TSHZ3: variants seen among roughly 807,000 people sequenced by gnomAD.
The protein encoded by TSHZ3 is teashirt zinc finger homeobox 3, also known as teashirt homolog 3.
In TSHZ3, 10 loss-of-function variants were observed where a neutral mutation model predicts 64.5. That is an observed-to-expected ratio of 0.16 (90% CI 0.10 to 0.26). The LOEUF (loss-of-function observed/expected upper bound fraction) is 0.26. Ranked by LOEUF, TSHZ3 falls within the 10% of genes least tolerant of loss-of-function variation. TSHZ3 has a pLI of 1.00. For missense variants in TSHZ3, 1,242 were observed against 1,421.7 expected (o/e 0.87, Z 2.03); for synonymous variants, 608 against 593.1 (o/e 1.03, Z -0.36).
At chr19:31,183,568 G>A (rs1974757514) in intron 5 of TSHZ3, among the ~76,000 whole-genome samples, 1 of 152,150 alleles carries the variant, frequency 6.6e-6, no homozygotes, top group African/African-American at 2.4e-5. Context: ...AAATTGGAAG[G>A]CCACAGAAAG....
chr19:31,349,075 G>A (rs561123157), intron 1 of TSHZ3, 105 bp downstream of exon 1: 5 of 1,413,170 alleles, frequency 3.5e-6, no homozygotes, highest in South Asian at 1.3e-5. Context: ...GTTACTCAGT[G>A]CGGGCAGAAG....
intron 3 of TSHZ3, among the ~76,000 whole-genome samples, chr19:31,233,796 C>T (rs1975571664): frequency 1.3e-5 from 2 of 152,052 alleles, no homozygotes; most frequent in Non-Finnish European, 2.9e-5. Flanking sequence ...TTTTTTTCTA[C>T]ACAGACACCT....
chr19:31,287,765 G>T (rs1976489105), intron 1 of TSHZ3, among the ~76,000 whole-genome samples: 2 of 152,128 alleles, frequency 1.3e-5, no homozygotes, highest in African/African-American at 4.8e-5. Flanking sequence ...GACAAAGAGG[G>T]CCTGGAGCCT....
At chr19:31,194,638 G>A (rs960781443) in intron 5 of TSHZ3, among the ~76,000 whole-genome samples, 3 of 152,224 alleles carry the variant, frequency 2.0e-5, no homozygotes, top group Admixed American at 1.3e-4. Flanking sequence ...CCTATTTACA[G>A]CATTTCTTTT....
At chr19:31,340,313 A>G (rs1370464022) in intron 1 of TSHZ3, among the ~76,000 whole-genome samples, 1 of 128,184 alleles carries the variant, frequency 7.8e-6, no homozygotes. Flanking sequence ...ATGGAGGAAC[A>G]TTAATTAGCA....
chr19:31,259,411 T>C lies in TSHZ3; in HGVS notation n.64-16536A>G, dbSNP rs138919757. Among the ~76,000 whole-genome samples, 85 of 152,324 alleles carry C rather than the reference T, an allele frequency of 5.6e-4. 5 individuals carry two copies. Among genetic ancestry groups the C allele is most frequent in the African/African-American group, 1.9e-3 (81 of 41,576 alleles). ...CTGCTGAAAGGTTACTCTCAACTTATGTTACCCCATAACAGTCTTCAGCCC... is the reference window on the plus strand; with the variant it reads ...CTGCTGAAAGGTTACTCTCAACTTACGTTACCCCATAACAGTCTTCAGCCC... On this transcript the variant is annotated intron_variant and non_coding_transcript_variant, in intron 1 of 6. Transcript: ENST00000651361.
chr19:31,324,284 G>A (rs921112932), intron 1 of TSHZ3, among the ~76,000 whole-genome samples: 9 of 152,110 alleles, frequency 5.9e-5, no homozygotes, highest in Non-Finnish European at 1.0e-4. Flanking sequence ...CATTTTTAAC[G>A]TTTACAATTT....
chr19:31,349,755 C>G (rs1459568935), upstream of TSHZ3, among the ~76,000 whole-genome samples: 1 of 147,924 alleles, frequency 6.8e-6, no homozygotes, highest in Non-Finnish European at 1.5e-5. Flanking sequence ...GTCACGGCAT[C>G]CGGGGGGACG....
rs367983553 is a variant in TSHZ3 at position 31,278,240 on chromosome 19, C to G, written c.1553G>C (p.Gly518Ala). ...TENDLEESPK[G>A]GLDILKSLEN... ...CAAGGATTTGAGGATATCAAGCCCC[C>G]CCTTGGGACTCTCTTCTAAGTCATT... Residue 518 changes from glycine to alanine, a missense_variant, in exon 2 of 2, where the codon GGG becomes GCG. By Grantham distance (60) the Gly-to-Ala change is moderately conservative. Transcript: ENST00000240587. This position sits in a 1 kb window ranked among gnomAD's most constrained non-coding sequence, Gnocchi z 4.7. The G allele has an allele frequency of 2.7e-5, 44 of 1,614,144 alleles. No homozygotes were observed. Among genetic ancestry groups the G allele is most frequent in the Admixed American group, 2.3e-4 (14 of 60,024 alleles).
rs562891547 is a variant in TSHZ3, at chr19:31,269,378, C to T, written n.64-26503G>A. Among the ~76,000 whole-genome samples the T allele has an allele frequency of 2.6e-5, 4 of 152,244 alleles. No individual in the cohort carries two copies. In the South Asian group the frequency reaches 8.3e-4, roughly 32 times the overall value. On this transcript the variant is annotated intron_variant and non_coding_transcript_variant, in intron 1 of 6. Transcript: ENST00000651361. ...CATGGTCACTGAGGCGGAAGTCCGG[C>T]GACCGTACCTCCATTTTTTTTAAGC...
chr19:31,346,858 C>A (rs1004139583), intron 1 of TSHZ3, among the ~76,000 whole-genome samples: 2 of 147,774 alleles, frequency 1.4e-5, no homozygotes, highest in African/African-American at 5.0e-5. Flanking sequence ...TTTTTTTTCT[C>A]TCCACTCTTC....
At chr19:31,267,504 C>A (rs1159236976) in intron 1 of TSHZ3, among the ~76,000 whole-genome samples, 1 of 152,118 alleles carries the variant, frequency 6.6e-6, no homozygotes, top group African/African-American at 2.4e-5. Flanking sequence ...CTCCATCAGG[C>A]CCAAGCACAA....
chr19:31,269,517 A>G (rs764173165), intron 1 of TSHZ3, among the ~76,000 whole-genome samples: 1 of 151,850 alleles, frequency 6.6e-6, no homozygotes, highest in Non-Finnish European at 1.5e-5. Context: ...AGGTATGGCC[A>G]CGGACAAGAG....
Position 31,349,223 on chromosome 19 carries a change from G to T in TSHZ3, c.-4C>A, listed in dbSNP as rs1406355335. 13 of 1,537,400 alleles carry T rather than the reference G, an allele frequency of 8.5e-6. No homozygotes were observed. Among genetic ancestry groups the T allele is most frequent in the Non-Finnish European group, 1.0e-5 (12 of 1,143,122 alleles). On this transcript the variant is annotated 5_prime_UTR_variant, in exon 1 of 2. Coordinates refer to ENST00000240587, the MANE Select transcript of TSHZ3 (RefSeq NM_020856.4). ...CCTGCTGCTTCCTCCTCGGCATGATGCTTCTCCGGCGACTGCCACTGCCGC... is the reference window on the plus strand; with the variant it reads ...CCTGCTGCTTCCTCCTCGGCATGATTCTTCTCCGGCGACTGCCACTGCCGC...
At chr19:31,180,423 C>T (rs1974694866) in intron 5 of TSHZ3, among the ~76,000 whole-genome samples, 1 of 152,198 alleles carries the variant, frequency 6.6e-6, no homozygotes, top group Non-Finnish European at 1.5e-5. Flanking sequence ...CGTTTCCTCA[C>T]ATCTAAACAT....
At chr19:31,160,486 C>T (rs1466968621) in intron 5 of TSHZ3, among the ~76,000 whole-genome samples, 3 of 152,180 alleles carry the variant, frequency 2.0e-5, no homozygotes, top group African/African-American at 7.2e-5. Context: ...CTTGAGGCAG[C>T]CCTCCAAATG....
intron 1 of TSHZ3, among the ~76,000 whole-genome samples, chr19:31,294,936 G>A (rs1324539084): frequency 1.3e-5 from 2 of 151,874 alleles, no homozygotes; most frequent in Non-Finnish European, 2.9e-5. Flanking sequence ...GAATAATTTT[G>A]TAGTATATAT....
At chr19:31,330,083 G>C (rs1315015712) in intron 1 of TSHZ3, among the ~76,000 whole-genome samples, 1 of 150,562 alleles carries the variant, frequency 6.6e-6, no homozygotes, top group African/African-American at 2.4e-5. Flanking sequence ...TTAACACTGG[G>C]TTCCTACTTT....
In TSHZ3 at chr19:31,275,131, T is replaced by C. The variant is rs1976205714; in HGVS notation, c.*1416A>G. On this transcript the variant is annotated 3_prime_UTR_variant, in exon 2 of 2. Coordinates refer to ENST00000240587, the MANE Select transcript of TSHZ3 (RefSeq NM_020856.4). ...TCAGCTGTCAGTTACTTCTGCAAAT[T>C]AACTGCCAAAAATGGAGAAGAACAG... 6.6e-6 allele frequency: 1 copy of C among 152,470 alleles called. No homozygotes were observed. The highest frequency in any genetic ancestry group is 2.1e-4 in the South Asian group (1 of 4,822). 9.4% of individuals were successfully genotyped at this position (152,470 alleles called of 1,614,324 possible).
Sources: gnomAD v4.1 joint callset for allele counts (sites outside exome capture counted in the v4.1 genomes callset) on GRCh38, gnomAD v4.1.1 for gene constraint, Gnocchi (gnomAD v3.1) non-coding constraint, MANE v1.5 for transcripts, NCBI Gene and HGNC (gene_info 2026-07-23, HGNC 2026-07-21) for gene names.